RIPK1: variants seen among roughly 807,000 people sequenced by gnomAD.
The protein encoded by RIPK1 is receptor interacting serine/threonine kinase 1.
Under a neutral mutation model 62.4 loss-of-function variants are expected in RIPK1, and 27 were observed. The observed-to-expected ratio is 0.43, with a 90% CI of 0.32 to 0.60. RIPK1 has a LOEUF of 0.60. Ranked by LOEUF, RIPK1 falls within the 20% of genes least tolerant of loss-of-function variation. The probability of loss-of-function intolerance (pLI) is 0.07; values close to 1 mark genes in which losing one functional copy is unlikely to be tolerated. For synonymous variants in RIPK1, 287 were observed against 303.2 expected (o/e 0.95, Z 0.55); for missense variants, 735 against 831.0 (o/e 0.88, Z 1.42).
intron 7 of RIPK1, among the ~76,000 whole-genome samples, chr6:3,094,997 G>A (rs1306620857): frequency 1.3e-5 from 2 of 152,106 alleles, no homozygotes; most frequent in African/African-American, 4.8e-5. Flanking sequence ...GTTTGAGGCT[G>A]GAGTAAGCTA....
chr6:3,112,136 G>A (rs911502550), intron 10 of RIPK1, among the ~76,000 whole-genome samples: 1 of 151,882 alleles, frequency 6.6e-6, no homozygotes, highest in African/African-American at 2.4e-5. Flanking sequence ...AATGTCGGTC[G>A]GCAGTGGGGT....
At chr6:3,108,243 G>C (rs1373441933) in intron 9 of RIPK1, among the ~76,000 whole-genome samples, 2 of 151,864 alleles carry the variant, frequency 1.3e-5, no homozygotes, top group Non-Finnish European at 2.9e-5. Context: ...GTCTAGTCCT[G>C]CTTGTGCCGG....
chr6:3,082,308 T>C (rs542172935), intron 4 of RIPK1, among the ~76,000 whole-genome samples: 22 of 152,320 alleles, frequency 1.4e-4, no homozygotes, highest in African/African-American at 5.1e-4. Context: ...ATGACTTCCC[T>C]CTTATGTCGT....
At chr6:3,095,016 C>A (rs1465605623) in intron 7 of RIPK1, among the ~76,000 whole-genome samples, 5 of 152,018 alleles carry the variant, frequency 3.3e-5, no homozygotes, top group Non-Finnish European at 7.4e-5. Context: ...TATGATCATG[C>A]CGCTGCACTC....
chr6:3,109,740 T>C (rs1474371287), intron 9 of RIPK1, among the ~76,000 whole-genome samples: 1 of 152,232 alleles, frequency 6.6e-6, no homozygotes, highest in African/African-American at 2.4e-5. Context: ...TCTATATAAC[T>C]GTTTTAATCT....
chr6:3,068,783 C>A, intron 1 of RIPK1, 122 bp downstream of exon 1: 1 of 492,990 alleles, frequency 2.0e-6, no homozygotes, highest in Non-Finnish European at 2.6e-6. Flanking sequence ...GCCGCGGCGT[C>A]GGAGTAATCC....
In RIPK1 at chr6:3,105,511, T is replaced by C. The variant is rs1301957481; in HGVS notation, c.1036T>C (p.Ser346Pro). The change falls in exon 9 of 11, where the codon TCC becomes CCC. Residue 346 changes from serine (S) to proline (P), a missense_variant. By Grantham distance (74) the Ser-to-Pro change is moderately conservative. Coordinates refer to ENST00000259808, the MANE Select transcript of RIPK1 (RefSeq NM_001354930.2). The surrounding 1 kb of genome is among the most constrained non-coding windows in gnomAD (Gnocchi z 4.5). ...ATEQPGSLHS[S>P]QGLGMGPVEE... ...AGAACAGCCTGGTTCACTGCACAGT[T>C]CCCAGGGACTTGGGATGGGTCCTGT... 8.9e-6 allele frequency: 14 copies of C among 1,577,946 alleles called. No homozygotes were observed. The highest frequency in any genetic ancestry group is 1.1e-5 in the Non-Finnish European group (13 of 1,166,080).
At position 3,068,588 on chromosome 6, in the gene RIPK1, G is replaced by A. The variant is rs1758505824; in HGVS notation, c.-134G>A. On this transcript the variant is annotated 5_prime_UTR_variant, in exon 1 of 11. Transcript: ENST00000259808. ...GGGGACCCACAGCTGGGGCGCCAGA[G>A]CGCGGCCATCCGGGCGGGGCCGACG... The A allele has an allele frequency of 1.0e-6, 1 of 985,260 alleles. No individual in the cohort carries two copies. Among genetic ancestry groups the A allele is most frequent in the Admixed American group, 6.2e-5 (1 of 16,256 alleles). The allele number at this position is 985,260 out of a possible 1,614,324, so 61.0% of individuals were successfully genotyped here. A position where few individuals can be genotyped will look rare whatever the true frequency, so the allele number is the denominator to read the frequency against.
At chr6:3,101,325 C>T (rs1335015992) in intron 7 of RIPK1, among the ~76,000 whole-genome samples, 2 of 152,186 alleles carry the variant, frequency 1.3e-5, no homozygotes, top group Non-Finnish European at 2.9e-5. Flanking sequence ...TGAGGTGGCT[C>T]ATGCCTGTAA....
rs1039649774 is a variant in RIPK1 at position 3,068,614 on chromosome 6, G to A, written c.-108G>A. Reference sequence around the variant, plus strand: ...CGCGGCCATCCGGGCGGGGCCGACGGAGCGCGGCAGGACTTGGCTGGACGG... The same window carrying A: ...CGCGGCCATCCGGGCGGGGCCGACGAAGCGCGGCAGGACTTGGCTGGACGG... On this transcript the variant is annotated 5_prime_UTR_variant, in exon 1 of 11. Coordinates refer to ENST00000259808, the MANE Select transcript of RIPK1 (RefSeq NM_001354930.2). The A allele has an allele frequency of 1.5e-4, 149 of 985,362 alleles. 1 individual carries two copies. In the East Asian group the frequency reaches 1.8e-3, roughly 12 times the overall value. 61.0% of individuals were successfully genotyped at this position (985,362 alleles called of 1,614,324 possible).
chr6:3,104,199 G>C, intron 7 of RIPK1, 26 bp from the exon 8 acceptor site: 1 of 1,049,692 alleles, frequency 9.5e-7, no homozygotes, highest in South Asian at 1.4e-5. Context: ...GTTCACTAAA[G>C]TGTGTATTTA....
chr6:3,085,170 G>A, intron 5 of RIPK1, 89 bp from the exon 6 acceptor site: 2 of 1,423,716 alleles, frequency 1.4e-6, no homozygotes, highest in South Asian at 2.4e-5. Context: ...TGTACCAGAG[G>A]CTGAGAAAAA....
chr6:3,103,364 A>C (rs2113685574), intron 7 of RIPK1, among the ~76,000 whole-genome samples: 1 of 150,942 alleles, frequency 6.6e-6, no homozygotes, highest in African/African-American at 2.4e-5. Flanking sequence ...GCAGTGGCAG[A>C]ATGTTGGTTC....
At position 3,083,243 on chromosome 6, in the gene RIPK1, A is replaced by T; in HGVS notation, c.618A>T (p.Thr206=). The T allele has an allele frequency of 6.2e-7, 1 of 1,613,988 alleles. No individual in the cohort carries two copies. The highest frequency in any genetic ancestry group is 1.1e-5 in the South Asian group (1 of 91,078). ...EHLNDVNAKP[T]EKSDVYSFAV... is the part of the protein sequence containing the mutation. Reference sequence around the variant, plus strand: ...TGAATGACGTCAACGCAAAGCCCACAGAGAAGTCGGATGTGTACAGCTTTG... The same window carrying T: ...TGAATGACGTCAACGCAAAGCCCACTGAGAAGTCGGATGTGTACAGCTTTG... Residue 206 remains threonine (T), a synonymous_variant, in exon 5 of 11, where the codon ACA becomes ACT. Coordinates refer to ENST00000259808, the MANE Select transcript of RIPK1 (RefSeq NM_001354930.2).
chr6:3,101,255 G>GA (rs1211222757), intron 7 of RIPK1, among the ~76,000 whole-genome samples: 128 of 151,566 alleles, frequency 8.4e-4, no homozygotes, highest in Middle Eastern at 6.8e-3. Flanking sequence ...TCTGTCTCAA[G>GA]AAAAAAAACA....
chr6:3,065,644 G>C (rs1005889419), upstream of RIPK1, among the ~76,000 whole-genome samples: 4 of 151,968 alleles, frequency 2.6e-5, no homozygotes, highest in Non-Finnish European at 5.9e-5. Context: ...TGGGGGTGGG[G>C]GTTCATTTGG....
At chr6:3,098,236 A>C (rs1760415546) in intron 7 of RIPK1, among the ~76,000 whole-genome samples, 2 of 152,244 alleles carry the variant, frequency 1.3e-5, no homozygotes, top group African/African-American at 4.8e-5. Context: ...CACACACATA[A>C]CTGACAAAGG....
intron 3 of RIPK1, among the ~76,000 whole-genome samples, chr6:3,078,890 G>A (rs901090563): frequency 6.6e-6 from 1 of 151,946 alleles, no homozygotes; most frequent in South Asian, 2.1e-4. Context: ...AGCTAAATAA[G>A]TGGTATGGTG....
At chr6:3,089,757 A>C (rs893340484) in intron 7 of RIPK1, 100 bp downstream of exon 7, 1 of 737,040 alleles carries the variant, frequency 1.4e-6, no homozygotes, top group African/African-American at 1.8e-5. Flanking sequence ...GATTTGAGGT[A>C]AGCTAGCTTG....
Sources: gnomAD v4.1 joint callset for allele counts (sites outside exome capture counted in the v4.1 genomes callset) on GRCh38, gnomAD v4.1.1 for gene constraint, Gnocchi (gnomAD v3.1) non-coding constraint, MANE v1.5 for transcripts, NCBI Gene and HGNC (gene_info 2026-07-23, HGNC 2026-07-21) for gene names.